NENF: variants seen among roughly 807,000 people sequenced by gnomAD.
NENF encodes neudesin neurotrophic factor.
A neutral mutation model predicts 14.8 loss-of-function variants in NENF; 6 were observed. The observed-to-expected ratio is 0.40, with a 90% CI of 0.22 to 0.80. The LOEUF is 0.80. Ranked by LOEUF, NENF falls within the 30% of genes least tolerant of loss-of-function variation. NENF has a pLI of 0.34. For missense variants in NENF, 184 were observed against 212.7 expected (o/e 0.87, Z 0.84); for synonymous variants, 76 against 95.1 (o/e 0.80, Z 1.17).
At position 212,433,059 on chromosome 1, in the gene NENF, A is replaced by C; in HGVS notation, c.116A>C (p.Glu39Ala). ...GCCGGGCAGACACCGCGCCCTGCCG[A>C]GCGGGGGCCCCCAGTGCGGCTTTTC... ...ARAGQTPRPA[E>A]RGPPVRLFTE... The change falls in exon 1 of 4, where the codon GAG becomes GCG. Residue 39 changes from glutamate (E) to alanine (A), a missense_variant. Transcript: ENST00000366988. This position sits in a 1 kb window ranked among gnomAD's most constrained non-coding sequence, Gnocchi z 5.5. 4 of 1,190,180 alleles carry C rather than the reference A, an allele frequency of 3.4e-6. No homozygotes were observed. Among genetic ancestry groups the C allele is most frequent in the East Asian group, 3.6e-5 (1 of 28,094 alleles). 73.7% of individuals were successfully genotyped at this position (1,190,180 alleles called of 1,614,324 possible). A position where few individuals can be genotyped will look rare whatever the true frequency, so the allele number is the denominator to read the frequency against.
chr1:212,434,269 C>T (rs539088828), intron 1 of NENF, among the ~76,000 whole-genome samples: 1 of 152,212 alleles, frequency 6.6e-6, no homozygotes, highest in African/African-American at 2.4e-5. Context: ...TCCAGGCATC[C>T]GTGCAGAAAA....
In NENF at chr1:212,444,233, CTT is replaced by C. The variant is rs112019441; in HGVS notation, c.239-101_239-100del. ...TTTGGCCTCTCCGTGAGCGTGGAGT[CTT>C]TTTTAGGATTGGGTGCGGGCCTTGG... is the stretch of plus-strand genomic sequence containing the variant. On this transcript the variant is annotated intron_variant, in intron 2 of 3. Coordinates refer to ENST00000366988, the MANE Select transcript of NENF (RefSeq NM_013349.5). The C allele has an allele frequency of 1.6e-3, 924 of 591,882 alleles. 9 individuals carry two copies. The African/African-American group carries it at 0.016, about 10-fold the overall frequency. The allele number at this position is 591,882 out of a possible 1,614,324, so 36.7% of individuals were successfully genotyped here.
At chr1:212,443,228 A>C (rs1262325562) in intron 2 of NENF, among the ~76,000 whole-genome samples, 2 of 152,224 alleles carry the variant, frequency 1.3e-5, no homozygotes, top group Admixed American at 1.3e-4. Context: ...GTTCTTTAGT[A>C]AAGAGTTGGC....
At chr1:212,439,419 G>A (rs1353964799) in intron 1 of NENF, among the ~76,000 whole-genome samples, 5 of 151,376 alleles carry the variant, frequency 3.3e-5, no homozygotes, top group Admixed American at 1.3e-4. Context: ...GCACACGTCT[G>A]TAATCCCAGC....
chr1:212,439,290 T>G (rs1385155825), intron 1 of NENF, among the ~76,000 whole-genome samples: 5 of 151,536 alleles, frequency 3.3e-5, no homozygotes, highest in Non-Finnish European at 5.9e-5. Flanking sequence ...CCCAGCACTT[T>G]GGGAGGCCGA....
Position 212,433,676 on chromosome 1 carries a change from A to G in NENF, c.177+556A>G, listed in dbSNP as rs965054017. 2.0e-5 allele frequency among the ~76,000 whole-genome samples: 3 copies of G among 151,978 alleles called. No homozygotes were observed. Among genetic ancestry groups the G allele is most frequent in the Non-Finnish European group, 4.4e-5 (3 of 67,994 alleles). On this transcript the variant is annotated intron_variant, in intron 1 of 3. Coordinates refer to ENST00000366988, the MANE Select transcript of NENF (RefSeq NM_013349.5). This position sits in a 1 kb window ranked among gnomAD's most constrained non-coding sequence, Gnocchi z 5.5. ...CCCCTGGGGCTCAGCCAAAGCTGGAAGTGAGCGCAGAGGGTGGACTGGAGG... is the reference window on the plus strand; with the variant it reads ...CCCCTGGGGCTCAGCCAAAGCTGGAGGTGAGCGCAGAGGGTGGACTGGAGG...
At chr1:212,445,755 G>A (rs762348155) in intron 3 of NENF, 75 bp from the exon 4 acceptor site, 23 of 1,481,582 alleles carry the variant, frequency 1.6e-5, no homozygotes, top group Non-Finnish European at 1.9e-5. Context: ...GGCAAGGCAG[G>A]GATGGAGAAA....
chr1:212,439,860 C>T (rs1186528997), intron 1 of NENF, among the ~76,000 whole-genome samples: 2 of 150,208 alleles, frequency 1.3e-5, no homozygotes, highest in East Asian at 4.0e-4. Context: ...ACTCCGTCCC[C>T]CCCCCACAAA....
intron 1 of NENF, among the ~76,000 whole-genome samples, chr1:212,440,813 C>T (rs1019738703): frequency 2.6e-5 from 4 of 152,178 alleles, no homozygotes; most frequent in African/African-American, 9.7e-5. Flanking sequence ...TCACCATAAG[C>T]TGCACAAGCG....
intron 1 of NENF, among the ~76,000 whole-genome samples, chr1:212,434,550 C>T (rs1349032112): frequency 1.3e-5 from 2 of 152,170 alleles, no homozygotes; most frequent in Non-Finnish European, 2.9e-5. Flanking sequence ...CACATACTGT[C>T]AAGTTTTGTT....
At chr1:212,439,032 G>A (rs1417425080) in intron 1 of NENF, among the ~76,000 whole-genome samples, 1 of 151,868 alleles carries the variant, frequency 6.6e-6, no homozygotes, top group African/African-American at 2.4e-5. Context: ...ATCCATGGAT[G>A]TTCATCTACA....
Position 212,433,241 on chromosome 1 carries a change from G to A in NENF, c.177+121G>A. 1.9e-6 allele frequency: 1 copy of A among 529,958 alleles called. No individual in the cohort carries two copies. The highest frequency in any genetic ancestry group is 2.0e-5 in the African/African-American group (1 of 49,168). 32.8% of individuals were successfully genotyped at this position (529,958 alleles called of 1,614,324 possible). ...TCTGGGGGACGCGCGGCCCGCGGCG[G>A]GCGCCCTGGGCCGGCGGGGGGCCTC... On this transcript the variant is annotated intron_variant, in intron 1 of 3. Transcript: ENST00000366988. The surrounding 1 kb of genome is among the most constrained non-coding windows in gnomAD (Gnocchi z 5.5).
At chr1:212,436,668 A>C (rs766747377) in intron 1 of NENF, among the ~76,000 whole-genome samples, 6 of 152,208 alleles carry the variant, frequency 3.9e-5, no homozygotes, top group Admixed American at 6.5e-5. Context: ...TTATTTCCTT[A>C]TATAAAGCCA....
In NENF at chr1:212,446,357, A is replaced by C. The variant is rs986471027; in HGVS notation, c.*351A>C. On this transcript the variant is annotated 3_prime_UTR_variant, in exon 4 of 4. Coordinates refer to ENST00000366988, the MANE Select transcript of NENF (RefSeq NM_013349.5). ...TCACTTTATAATCAAAACAAAAATA[A>C]AGGTCCCATTTTTACAAAAGGAGAA... 6 of 187,158 alleles carry C rather than the reference A, an allele frequency of 3.2e-5. No individual in the cohort carries two copies. The highest frequency in any genetic ancestry group is 7.1e-5 in the African/African-American group (3 of 42,542). The allele number at this position is 187,158 out of a possible 1,614,324, so 11.6% of individuals were successfully genotyped here. A position where few individuals can be genotyped will look rare whatever the true frequency, so the allele number is the denominator to read the frequency against.
chr1:212,437,333 G>C (rs1662617473), intron 1 of NENF, among the ~76,000 whole-genome samples: 2 of 152,204 alleles, frequency 1.3e-5, no homozygotes, highest in South Asian at 4.2e-4. Flanking sequence ...TTGATTATGG[G>C]TGTTGCCTTG....
chr1:212,439,257 G>A (rs1301912050), intron 1 of NENF, among the ~76,000 whole-genome samples: 2 of 152,090 alleles, frequency 1.3e-5, no homozygotes, highest in African/African-American at 2.4e-5. Flanking sequence ...AGATTGCTGG[G>A]TGCAGTGGCT....
In NENF at chr1:212,442,638, GCATTTTGAATCTT is replaced by G. The variant is rs1662715875; in HGVS notation, c.238+19_238+31del. 2 of 1,608,228 alleles carry G rather than the reference GCATTTTGAATCTT, an allele frequency of 1.2e-6. No individual in the cohort carries two copies. Among genetic ancestry groups the G allele is most frequent in the African/African-American group, 2.7e-5 (2 of 74,818 alleles). On this transcript the variant is annotated intron_variant, in intron 2 of 3. Transcript: ENST00000366988. ...ACCTCCGGAAAGGGTAAGTGGTGTG[GCATTTTGAATCTT>G]CATTTCCAGGGAGCACAGAAGCCAG...
At chr1:212,439,686 T>TAAA (rs1177363207) in intron 1 of NENF, among the ~76,000 whole-genome samples, 25 of 25,544 alleles carry the variant, frequency 9.8e-4, no homozygotes, top group African/African-American at 3.5e-3. Context: ...CTACTAAATA[T>TAAA]ACAAAAAAAA....
In NENF at chr1:212,433,477, CGCATAGTGGG is replaced by C. The variant is rs1662554171; in HGVS notation, c.177+359_177+368del. On this transcript the variant is annotated intron_variant, in intron 1 of 3. Coordinates refer to ENST00000366988, the MANE Select transcript of NENF (RefSeq NM_013349.5). This position sits in a 1 kb window ranked among gnomAD's most constrained non-coding sequence, Gnocchi z 5.5. The stretch of plus-strand genomic sequence containing the variant: ...TCAGCCGAGGCGTTTACTGTGCCCA[CGCATAGTGGG>C]GAGTGGCGGGGGACGGAGGGAGGGA... Among the ~76,000 whole-genome samples, 1 of 151,996 alleles carries C rather than the reference CGCATAGTGGG, an allele frequency of 6.6e-6. No individual in the cohort carries two copies. The highest frequency in any genetic ancestry group is 1.5e-5 in the Non-Finnish European group (1 of 67,994).
Sources: allele counts gnomAD v4.1 joint callset (sites outside exome capture counted in the v4.1 genomes callset), GRCh38; gene constraint gnomAD v4.1.1; non-coding constraint Gnocchi (gnomAD v3.1); transcripts MANE v1.5; gene names NCBI Gene and HGNC (gene_info 2026-07-23, HGNC 2026-07-21).